Variants in SHC3 observed in about 807,000 individuals in gnomAD.
SHC3 encodes the protein SHC-transforming protein 3.
SHC3 carries 15 observed loss-of-function variants against 60.4 expected under a neutral mutation model. The ratio of observed to expected loss-of-function variants is 0.25; its 90% CI spans 0.17 to 0.38. SHC3 has a LOEUF of 0.38. Among genes scored for constraint, SHC3 ranks in the 10% least tolerant of loss-of-function variants. The probability of loss-of-function intolerance (pLI) is 1.00; values close to 1 mark genes in which losing one functional copy is unlikely to be tolerated. For synonymous variants in SHC3, 294 were observed against 325.9 expected (o/e 0.90, Z 1.05); for missense variants, 677 against 786.1 (o/e 0.86, Z 1.66).
At chr9:89,093,875 G>T (rs1427393008) in intron 2 of SHC3, among the ~76,000 whole-genome samples, 3 of 152,102 alleles carry the variant, frequency 2.0e-5, no homozygotes, top group Non-Finnish European at 4.4e-5. Context: ...AGGCCAAGGT[G>T]GGTGGATCAC....
chr9:89,016,510 A>G (rs1826096429), intron 11 of SHC3, among the ~76,000 whole-genome samples: 1 of 152,190 alleles, frequency 6.6e-6, no homozygotes, highest in South Asian at 2.1e-4. Context: ...TATATGTATT[A>G]AAGAAATTGA....
At chr9:89,058,025 A>G (rs770556147) in intron 6 of SHC3, among the ~76,000 whole-genome samples, 1 of 152,262 alleles carries the variant, frequency 6.6e-6, no homozygotes, top group Non-Finnish European at 1.5e-5. Context: ...GGCCACAAGA[A>G]GCTGGAAGGA....
At chr9:89,104,044 T>C (rs1373184591) in intron 2 of SHC3, among the ~76,000 whole-genome samples, 1 of 152,176 alleles carries the variant, frequency 6.6e-6, no homozygotes, top group Non-Finnish European at 1.5e-5. Context: ...CCATGCCAGA[T>C]GGTTCTCAAG....
At chr9:89,054,104 G>A (rs1824907500) in intron 6 of SHC3, among the ~76,000 whole-genome samples, 1 of 152,184 alleles carries the variant, frequency 6.6e-6, no homozygotes. Context: ...TTTACTGAGA[G>A]TGGGCTGTAC....
chr9:89,029,391 A>T lies in SHC3; in HGVS notation c.1656+8602T>A, dbSNP rs181417097. 4.6e-5 allele frequency among the ~76,000 whole-genome samples: 7 copies of T among 152,224 alleles called. No individual in the cohort carries two copies. The East Asian group carries it at 1.3e-3, about 29-fold the overall frequency. On this transcript the variant is annotated intron_variant, in intron 11 of 11. Transcript: ENST00000375835. ...AAAAAAATTAAAAATTTATAGAAAA[A>T]AATAACCATAAGGGATGAAGAATCA...
intron 7 of SHC3, among the ~76,000 whole-genome samples, chr9:89,051,267 T>C (rs1308835959): frequency 2.6e-5 from 4 of 152,228 alleles, no homozygotes; most frequent in South Asian, 4.1e-4. Flanking sequence ...ATTTTCATTA[T>C]GCAAGTTCAA....
At chr9:89,031,726 G>A (rs941058605) in intron 11 of SHC3, among the ~76,000 whole-genome samples, 32 of 149,022 alleles carry the variant, frequency 2.1e-4, no homozygotes, top group African/African-American at 7.0e-4. Context: ...GCGTGGGAAT[G>A]GGGTGAGGGT....
chr9:89,070,243 C>G (rs973045173), intron 5 of SHC3, among the ~76,000 whole-genome samples: 1 of 152,130 alleles, frequency 6.6e-6, no homozygotes, highest in Admixed American at 6.6e-5. Flanking sequence ...ATCTATTATC[C>G]TAATTTTAAA....
At chr9:89,047,146 G>A in intron 7 of SHC3, 152 bp from the exon 8 acceptor site, 1 of 597,684 alleles carries the variant, frequency 1.7e-6, no homozygotes, top group Non-Finnish European at 2.6e-6. Flanking sequence ...AAAAGCAGAT[G>A]AGTGGTTTAG....
intron 11 of SHC3, among the ~76,000 whole-genome samples, chr9:89,021,458 G>C (rs916334147): frequency 5.9e-5 from 9 of 152,240 alleles, no homozygotes; most frequent in African/African-American, 2.2e-4. Context: ...GGCTCACAGA[G>C]TGGAAGGCCT....
At chr9:89,139,769 G>A (rs564134539) in intron 1 of SHC3, among the ~76,000 whole-genome samples, 1 of 152,288 alleles carries the variant, frequency 6.6e-6, no homozygotes, top group South Asian at 2.1e-4. Context: ...CAAAGCGTTG[G>A]TAAAATTACC....
chr9:89,152,371 A>G (rs182172971), intron 1 of SHC3, among the ~76,000 whole-genome samples: 8 of 152,364 alleles, frequency 5.3e-5, no homozygotes, highest in Admixed American at 5.2e-4. Flanking sequence ...AATTTACAGG[A>G]CCATTTGAAA....
In SHC3 at chr9:89,109,602, C is replaced by T. The variant is rs114504928; in HGVS notation, c.545+2954G>A. 2.5e-4 allele frequency: 242 copies of T among 985,478 alleles called. No homozygotes were observed. In the African/African-American group the frequency reaches 2.8e-3, roughly 11 times the overall value. The allele number at this position is 985,478 out of a possible 1,614,324, so 61.0% of individuals were successfully genotyped here. ...AGAGAAGAGAGGGTGGACGCAGTTGCGAAGCTGTGCTGAGATCTTGTCTGG... is the reference window on the plus strand; with the variant it reads ...AGAGAAGAGAGGGTGGACGCAGTTGTGAAGCTGTGCTGAGATCTTGTCTGG... On this transcript the variant is annotated intron_variant, in intron 2 of 11. Transcript: ENST00000375835.
chr9:89,032,074 C>A (rs909827564), intron 11 of SHC3, among the ~76,000 whole-genome samples: 3 of 152,124 alleles, frequency 2.0e-5, no homozygotes, highest in African/African-American at 7.2e-5. Context: ...CAAGGACCTG[C>A]GGGAACTGGA....
intron 1 of SHC3, among the ~76,000 whole-genome samples, chr9:89,150,695 T>G (rs1826533506): frequency 6.6e-6 from 1 of 152,212 alleles, no homozygotes; most frequent in Non-Finnish European, 1.5e-5. Flanking sequence ...TGTGTAAATA[T>G]ACATTGTCAG....
chr9:89,154,770 G>A (rs1383158155), intron 1 of SHC3, among the ~76,000 whole-genome samples: 1 of 152,222 alleles, frequency 6.6e-6, no homozygotes, highest in African/African-American at 2.4e-5. Context: ...GTCAGAGAGA[G>A]GAAGTATGAC....
Position 89,006,852 on chromosome 9 carries a change from T to C in SHC3, c.*6595A>G, listed in dbSNP as rs1825947775. ...CCCCATTAATATTTAAAGACGGATTTATCCATTAATGCCTGTTTTAATTGT... is the reference window on the plus strand; with the variant it reads ...CCCCATTAATATTTAAAGACGGATTCATCCATTAATGCCTGTTTTAATTGT... On this transcript the variant is annotated 3_prime_UTR_variant, in exon 12 of 12. Transcript: ENST00000375835. 1 of 152,250 alleles carries C rather than the reference T, an allele frequency of 6.6e-6. No individual in the cohort carries two copies. The highest frequency in any genetic ancestry group is 2.4e-5 in the African/African-American group (1 of 41,464). The allele number at this position is 152,250 out of a possible 1,614,324, so 9.4% of individuals were successfully genotyped here.
At chr9:89,015,325 G>A (rs1301127345) in intron 11 of SHC3, among the ~76,000 whole-genome samples, 2 of 152,220 alleles carry the variant, frequency 1.3e-5, no homozygotes, top group Non-Finnish European at 2.9e-5. Flanking sequence ...GGTGAAGAGT[G>A]ATTTAGGGCA....
At chr9:89,163,345 A>G (rs1436926349) in intron 1 of SHC3, among the ~76,000 whole-genome samples, 1 of 152,198 alleles carries the variant, frequency 6.6e-6, no homozygotes, top group African/African-American at 2.4e-5. Flanking sequence ...GAACCAACCC[A>G]AATGTCCAAC....
Sources: allele counts gnomAD v4.1 joint callset (sites outside exome capture counted in the v4.1 genomes callset), GRCh38; gene constraint gnomAD v4.1.1; transcripts MANE v1.5; gene names NCBI Gene and HGNC (gene_info 2026-07-23, HGNC 2026-07-21).